MACROD2: variants seen among roughly 807,000 people sequenced by gnomAD.
MACROD2 encodes mono-ADP ribosylhydrolase 2, also known as ADP-ribose glycohydrolase MACROD2.
A neutral mutation model predicts 70.4 loss-of-function variants in MACROD2; 36 were observed. That is an observed-to-expected ratio of 0.51 (90% CI 0.39 to 0.68). The LOEUF (loss-of-function observed/expected upper bound fraction) is 0.68, where lower values mean the gene tolerates loss of function less well. Ranked by LOEUF, MACROD2 falls within the 30% of genes least tolerant of loss-of-function variation. MACROD2 has a pLI of 0.00. For missense variants in MACROD2, 496 were observed against 538.4 expected (o/e 0.92, Z 0.78); for synonymous variants, 172 against 178.8 (o/e 0.96, Z 0.30).
chr20:14,292,137 G>C (rs2082391384), intron 3 of MACROD2, among the ~76,000 whole-genome samples: 1 of 151,868 alleles, frequency 6.6e-6, no homozygotes, highest in Non-Finnish European at 1.5e-5. Flanking sequence ...CCTGGAGGGA[G>C]GGCATAACCT....
intron 3 of MACROD2, among the ~76,000 whole-genome samples, chr20:14,094,822 A>C (rs1296884470): frequency 1.3e-5 from 2 of 152,118 alleles, no homozygotes; most frequent in Non-Finnish European, 2.9e-5. Context: ...GTCAAACAAG[A>C]CTTGCTTCAA....
At chr20:14,934,098 C>T (rs1318104450) in intron 5 of MACROD2, among the ~76,000 whole-genome samples, 1 of 152,170 alleles carries the variant, frequency 6.6e-6, no homozygotes, top group Admixed American at 6.5e-5. Context: ...CCTGCTTATG[C>T]CCCCATGCAC....
At chr20:15,268,880 A>G (rs935363808) in intron 6 of MACROD2, among the ~76,000 whole-genome samples, 1 of 152,156 alleles carries the variant, frequency 6.6e-6, no homozygotes, top group Non-Finnish European at 1.5e-5. Flanking sequence ...GGGAAAAAAA[A>G]CAGTCTTCTC....
At chr20:15,410,682 A>G (rs753578331) in intron 6 of MACROD2, among the ~76,000 whole-genome samples, 14 of 151,770 alleles carry the variant, frequency 9.2e-5, no homozygotes, top group African/African-American at 9.7e-5. Flanking sequence ...CAAAGCATCA[A>G]TGAGGAAGTA....
Position 15,076,352 on chromosome 20 carries a change from T to C in MACROD2, c.419-153588T>C, listed in dbSNP as rs551221979. 2.0e-5 allele frequency among the ~76,000 whole-genome samples: 3 copies of C among 152,300 alleles called. No homozygotes were observed. In the East Asian group the frequency reaches 5.8e-4, roughly 29 times the overall value. ...AACACTGGTATAAATATCTTTATAATAAAACATTGTCTGAATCTCTGATTA... is the reference window on the plus strand; with the variant it reads ...AACACTGGTATAAATATCTTTATAACAAAACATTGTCTGAATCTCTGATTA... On this transcript the variant is annotated intron_variant, in intron 5 of 17. Transcript: ENST00000684519.
At chr20:14,320,978 C>A (rs2082654879) in intron 3 of MACROD2, among the ~76,000 whole-genome samples, 1 of 152,026 alleles carries the variant, frequency 6.6e-6, no homozygotes, top group African/African-American at 2.4e-5. Context: ...TTGTTTCTTC[C>A]TTTTTACTGC....
chr20:14,232,121 G>T (rs1050724071), intron 3 of MACROD2, among the ~76,000 whole-genome samples: 23 of 152,120 alleles, frequency 1.5e-4, no homozygotes, highest in Non-Finnish European at 2.9e-5. Context: ...AGTTTCTTTT[G>T]CTGTGCAGAA....
At chr20:14,528,176 C>G (rs1441567250) in intron 4 of MACROD2, among the ~76,000 whole-genome samples, 1 of 149,618 alleles carries the variant, frequency 6.7e-6, no homozygotes, top group Non-Finnish European at 1.5e-5. Context: ...ATGGCATGAT[C>G]TTGGCTCACT....
rs1201503817 is a variant in MACROD2, at chr20:14,988,053, A to G, written c.419-241887A>G. On this transcript the variant is annotated intron_variant, in intron 5 of 17. Transcript: ENST00000684519. ...TTGGTTAATGTGGAAGATCTTAATG[A>G]ATACTTTCTAAGAGTAAGGCTATAT... Among the ~76,000 whole-genome samples the G allele has an allele frequency of 2.6e-5, 4 of 152,128 alleles. No homozygotes were observed. The East Asian group carries it at 7.7e-4, about 29-fold the overall frequency.
At chr20:15,914,469 G>A (rs937303849) in intron 10 of MACROD2, among the ~76,000 whole-genome samples, 1 of 152,180 alleles carries the variant, frequency 6.6e-6, no homozygotes, top group Non-Finnish European at 1.5e-5. Flanking sequence ...TTAATGGGAA[G>A]CCTCAATTGC....
At chr20:15,986,650 G>T (rs748171272) in intron 13 of MACROD2, 77 bp from the exon 14 acceptor site, 3 of 1,119,056 alleles carry the variant, frequency 2.7e-6, no homozygotes, top group South Asian at 2.9e-5. Flanking sequence ...ATTAAAGCAC[G>T]GTTTCTGAAG....
chr20:15,797,087 T>C (rs1257190788), intron 8 of MACROD2, among the ~76,000 whole-genome samples: 2 of 152,076 alleles, frequency 1.3e-5, no homozygotes, highest in Non-Finnish European at 2.9e-5. Context: ...CAACCTGACC[T>C]TTTAGGGTTC....
intron 6 of MACROD2, among the ~76,000 whole-genome samples, chr20:15,407,068 C>T (rs990060539): frequency 2.6e-5 from 4 of 152,190 alleles, no homozygotes; most frequent in Non-Finnish European, 2.9e-5. Context: ...CGAGTCCTAG[C>T]TCCTGCACTC....
At chr20:15,617,053 C>T (rs1354459225) in intron 8 of MACROD2, among the ~76,000 whole-genome samples, 1 of 152,132 alleles carries the variant, frequency 6.6e-6, no homozygotes, top group African/African-American at 2.4e-5. Flanking sequence ...GACTAATGTT[C>T]CATTTACCAC....
At chr20:14,335,744 T>A (rs1325111818) in intron 3 of MACROD2, among the ~76,000 whole-genome samples, 1 of 152,178 alleles carries the variant, frequency 6.6e-6, no homozygotes, top group Non-Finnish European at 1.5e-5. Flanking sequence ...ATTTTGCTGA[T>A]CCTTGGACTT....
intron 6 of MACROD2, among the ~76,000 whole-genome samples, chr20:15,420,165 A>G (rs1053833528): frequency 1.3e-5 from 2 of 152,154 alleles, no homozygotes; most frequent in African/African-American, 2.4e-5. Flanking sequence ...TGGTTCCAAC[A>G]TTTTGTATCC....
intron 5 of MACROD2, among the ~76,000 whole-genome samples, chr20:15,038,233 G>T (rs191359338): frequency 6.6e-6 from 1 of 152,134 alleles, no homozygotes; most frequent in African/African-American, 2.4e-5. Context: ...GAAATTATAA[G>T]ATTTCAAACT....
At chr20:15,564,080 AGT>A (rs2048279975) in intron 8 of MACROD2, among the ~76,000 whole-genome samples, 2 of 152,184 alleles carry the variant, frequency 1.3e-5, no homozygotes, top group Non-Finnish European at 2.9e-5. Context: ...TAATATCAAC[AGT>A]GTGTGACACG....
intron 5 of MACROD2, among the ~76,000 whole-genome samples, chr20:15,069,101 G>C (rs933415492): frequency 6.6e-6 from 1 of 152,092 alleles, no homozygotes; most frequent in Admixed American, 6.5e-5. Flanking sequence ...ACTAGCAAAG[G>C]GCTTGGCTGC....
Sources: allele counts gnomAD v4.1 joint callset (sites outside exome capture counted in the v4.1 genomes callset), GRCh38; gene constraint gnomAD v4.1.1; transcripts MANE v1.5; gene names NCBI Gene and HGNC (gene_info 2026-07-23, HGNC 2026-07-21).